Variants in CLPB observed in about 807,000 individuals in gnomAD.
CLPB encodes the protein ClpB family mitochondrial disaggregase.
A neutral mutation model predicts 78.4 loss-of-function variants in CLPB; 40 were observed. The observed-to-expected ratio is 0.51, with a 90% CI of 0.40 to 0.66. CLPB has a LOEUF of 0.66. Ranked by LOEUF, CLPB falls within the 30% of genes least tolerant of loss-of-function variation. The pLI is 0.00. For synonymous variants in CLPB, 333 were observed against 348.0 expected (o/e 0.96, Z 0.48); for missense variants, 780 against 886.9 (o/e 0.88, Z 1.53).
intron 3 of CLPB, among the ~76,000 whole-genome samples, chr11:72,392,527 T>C (rs1855283775): frequency 6.6e-6 from 1 of 152,148 alleles, no homozygotes; most frequent in Non-Finnish European, 1.5e-5. Flanking sequence ...AGGAAATGAA[T>C]TAAAGATTGG....
chr11:72,419,235 T>C (rs923316330), intron 2 of CLPB, among the ~76,000 whole-genome samples: 2 of 152,218 alleles, frequency 1.3e-5, no homozygotes, highest in Non-Finnish European at 2.9e-5. Context: ...AATTGCGTTA[T>C]GATTTTGATT....
At chr11:72,308,862 C>G (rs1184740448) in intron 7 of CLPB, among the ~76,000 whole-genome samples, 2 of 152,060 alleles carry the variant, frequency 1.3e-5, no homozygotes, top group African/African-American at 4.8e-5. Flanking sequence ...CTCAGCGTTG[C>G]TAGGGAAACT....
chr11:72,395,001 A>G (rs972195432), intron 3 of CLPB, among the ~76,000 whole-genome samples: 3 of 152,048 alleles, frequency 2.0e-5, no homozygotes, highest in African/African-American at 7.2e-5. Flanking sequence ...TTGTGAGCCT[A>G]TGCTCACAAT....
chr11:72,397,138 T>C (rs1350326006), intron 3 of CLPB, among the ~76,000 whole-genome samples: 1 of 152,232 alleles, frequency 6.6e-6, no homozygotes, highest in African/African-American at 2.4e-5. Flanking sequence ...TTCTCCAGAA[T>C]GTCATATACA....
rs1949857770 is a variant in CLPB at position 72,312,069 on chromosome 11, G to A, written c.989-3465C>T. Among the ~76,000 whole-genome samples, 1 of 152,170 alleles carries A rather than the reference G, an allele frequency of 6.6e-6. No individual in the cohort carries two copies. Among genetic ancestry groups the A allele is most frequent in the South Asian group, 2.1e-4 (1 of 4,830 alleles). ...GGGCAGGAGTTACAGGATCTAGCAT[G>A]GAGTCCCGCCTCTGTCACTTACCAG... On this transcript the variant is annotated intron_variant, in intron 7 of 15. Coordinates refer to ENST00000538039, the MANE Select transcript of CLPB (RefSeq NM_001258392.3). The surrounding 1 kb of genome is among the most constrained non-coding windows in gnomAD (Gnocchi z 4.2).
intron 9 of CLPB, 68 bp downstream of exon 9, chr11:72,307,130 AT>A: frequency 2.8e-6 from 4 of 1,434,670 alleles, no homozygotes; most frequent in Non-Finnish European, 3.9e-6. Context: ...AGAGGGTCAG[AT>A]TTTTTGGGAT....
At chr11:72,362,892 A>C (rs919305992) in intron 4 of CLPB, among the ~76,000 whole-genome samples, 1 of 152,210 alleles carries the variant, frequency 6.6e-6, no homozygotes, top group African/African-American at 2.4e-5. Flanking sequence ...GCAGTGGCTC[A>C]CGCCTGTAAT....
intron 1 of CLPB, chr11:72,430,615 G>A (rs1856517828): frequency 2.0e-6 from 1 of 498,420 alleles, no homozygotes; most frequent in African/African-American, 2.0e-5. Flanking sequence ...GGGAATGCAG[G>A]TCAACTGCTA....
chr11:72,427,795 A>G (rs988312346), intron 2 of CLPB, among the ~76,000 whole-genome samples: 3 of 152,158 alleles, frequency 2.0e-5, no homozygotes, highest in African/African-American at 7.2e-5. Context: ...ATGTGTCCCT[A>G]TTGTTAAGCA....
At chr11:72,329,542 A>AGATAATAAT (rs1565441431) in intron 6 of CLPB, among the ~76,000 whole-genome samples, 165 bp downstream of exon 6, 1 of 152,230 alleles carries the variant, frequency 6.6e-6, no homozygotes. Flanking sequence ...GTATTTAAAC[A>AGATAATAAT]GATAATAATC....
chr11:72,415,660 A>C (rs1177509822), intron 2 of CLPB, among the ~76,000 whole-genome samples: 8 of 152,218 alleles, frequency 5.3e-5, no homozygotes, highest in Admixed American at 5.2e-4. Flanking sequence ...AGGTTAAAAC[A>C]AGCTCTGCAA....
chr11:72,385,600 A>T (rs1014117482), intron 3 of CLPB, among the ~76,000 whole-genome samples: 1 of 152,204 alleles, frequency 6.6e-6, no homozygotes, highest in Non-Finnish European at 1.5e-5. Flanking sequence ...AGATAGCTGG[A>T]TCACCTGAGG....
intron 7 of CLPB, among the ~76,000 whole-genome samples, chr11:72,315,612 TCAATATCCCAG>T (rs1301302836): frequency 6.6e-6 from 1 of 152,184 alleles, no homozygotes; most frequent in African/African-American, 2.4e-5. Context: ...TTTGCACAAA[TCAATATCCCAG>T]CACTTACCAG....
rs746357833 is a variant in CLPB, at chr11:72,372,946, A to G, written c.646+7335T>C. Reference sequence around the variant, plus strand: ...TTACCGCCAGCGGGGAGTCCTAGCCATCTCCTGAACTCCAGGGCACTTGTC... The same window carrying G: ...TTACCGCCAGCGGGGAGTCCTAGCCGTCTCCTGAACTCCAGGGCACTTGTC... On this transcript the variant is annotated intron_variant, in intron 4 of 15. Coordinates refer to ENST00000538039, the MANE Select transcript of CLPB (RefSeq NM_001258392.3). The G allele has an allele frequency of 3.8e-5, 61 of 1,614,016 alleles. 1 individual carries two copies. The highest frequency in any genetic ancestry group is 3.3e-4 in the Middle Eastern group (2 of 6,084).
chr11:72,416,994 C>A (rs1856045901), intron 2 of CLPB, among the ~76,000 whole-genome samples: 1 of 152,204 alleles, frequency 6.6e-6, no homozygotes, highest in Non-Finnish European at 1.5e-5. Flanking sequence ...GTGAAGCCAC[C>A]CTGGAAAATG....
At chr11:72,377,377 G>C (rs1423030126) in intron 4 of CLPB, among the ~76,000 whole-genome samples, 1 of 152,170 alleles carries the variant, frequency 6.6e-6, no homozygotes, top group Non-Finnish European at 1.5e-5. Flanking sequence ...TGGTATACAG[G>C]AATGTGATCA....
intron 5 of CLPB, among the ~76,000 whole-genome samples, chr11:72,345,268 T>C (rs1451398736): frequency 6.6e-6 from 1 of 152,192 alleles, no homozygotes; most frequent in Non-Finnish European, 1.5e-5. Context: ...CTGCAAAATA[T>C]TGGAAATCTC....
At chr11:72,429,441 C>T (rs1350103382) in intron 2 of CLPB, among the ~76,000 whole-genome samples, 2 of 152,140 alleles carry the variant, frequency 1.3e-5, no homozygotes, top group African/African-American at 4.8e-5. Context: ...TGGGGAAGAA[C>T]ACCAAGGGCC....
chr11:72,347,004 A>C (rs796702207), intron 5 of CLPB, among the ~76,000 whole-genome samples: 2 of 150,426 alleles, frequency 1.3e-5, no homozygotes, highest in African/African-American at 4.9e-5. Context: ...AAAAAAAAAA[A>C]AAAAAAGGTA....
Sources: gnomAD v4.1 joint callset for allele counts (sites outside exome capture counted in the v4.1 genomes callset) on GRCh38, gnomAD v4.1.1 for gene constraint, Gnocchi (gnomAD v3.1) non-coding constraint, MANE v1.5 for transcripts, NCBI Gene and HGNC (gene_info 2026-07-23, HGNC 2026-07-21) for gene names.